The following EZH1 variants were observed in gnomAD, a reference collection of about 807,000 sequenced individuals.
The protein encoded by EZH1 is histone-lysine N-methyltransferase EZH1.
Under a neutral mutation model 100.5 loss-of-function variants are expected in EZH1, and 33 were observed. That is an observed-to-expected ratio of 0.33 (90% CI 0.25 to 0.44). The LOEUF is 0.44. Ranked by LOEUF, EZH1 falls within the 20% of genes least tolerant of loss-of-function variation. The probability of loss-of-function intolerance (pLI) is 1.00; values close to 1 mark genes in which losing one functional copy is unlikely to be tolerated. For synonymous variants in EZH1, 272 were observed against 313.8 expected, an observed-to-expected ratio of 0.87 and a Z score of 1.41; for missense variants, 475 against 928.4, an observed-to-expected ratio of 0.51 and a Z score of 6.35.
rs755876740 is a variant in EZH1 at position 42,706,379 on chromosome 17, C to G, written c.1661-194G>C. On this transcript the variant is annotated intron_variant, in intron 15 of 20. Coordinates refer to ENST00000428826, the MANE Select transcript of EZH1 (RefSeq NM_001991.5). This position sits in a 1 kb window ranked among gnomAD's most constrained non-coding sequence, Gnocchi z 4.4. ...AACTGAGTGCTTCCCAACATTCATG[C>G]CTTCGAGTCAAAAAAGCAGGTGTGG... 3.9e-5 allele frequency among the ~76,000 whole-genome samples: 6 copies of G among 152,022 alleles called. No individual in the cohort carries two copies. Among genetic ancestry groups the G allele is most frequent in the African/African-American group, 1.4e-4 (6 of 41,398 alleles).
chr17:42,708,965 T>G (rs200831281), intron 13 of EZH1, 49 bp from the exon 14 acceptor site: 160 of 1,588,246 alleles, frequency 1.0e-4, no homozygotes, highest in Non-Finnish European at 1.2e-4. Flanking sequence ...TAGGGAGCTC[T>G]GCAAATGCAG....
intron 1 of EZH1, among the ~76,000 whole-genome samples, chr17:42,744,290 T>C (rs1330044597): frequency 6.6e-6 from 1 of 152,194 alleles, no homozygotes; most frequent in African/African-American, 2.4e-5. Context: ...ACCTTGTCTG[T>C]GCTTCAAGGC....
chr17:42,721,176 A>G (rs1191514558), intron 6 of EZH1, among the ~76,000 whole-genome samples: 1 of 152,188 alleles, frequency 6.6e-6, no homozygotes, highest in African/African-American at 2.4e-5. Context: ...ATGTACTACA[A>G]TTTAGGAGGT....
rs565268007 is a variant in EZH1 at position 42,735,284 on chromosome 17, C to A, written c.-102-4366G>T. On this transcript the variant is annotated intron_variant, in intron 1 of 20. Transcript: ENST00000428826. ...TACTAAAAATACAAAATTTAGCAGG[C>A]CATGTTGGCACACACCTGAAACTCA... Among the ~76,000 whole-genome samples, 11 of 151,700 alleles carry A rather than the reference C, an allele frequency of 7.3e-5. 1 individual carries two copies. Among genetic ancestry groups the A allele is most frequent in the African/African-American group, 1.2e-4 (5 of 41,348 alleles).
chr17:42,743,662 G>A (rs1331706137), intron 1 of EZH1, among the ~76,000 whole-genome samples: 4 of 149,254 alleles, frequency 2.7e-5, no homozygotes, highest in Admixed American at 6.7e-5. Flanking sequence ...ATGAGGTCTC[G>A]CTATTGTTGC....
intron 4 of EZH1, among the ~76,000 whole-genome samples, chr17:42,726,109 C>T (rs1177149211): frequency 6.6e-6 from 1 of 151,332 alleles, no homozygotes; most frequent in South Asian, 2.1e-4. Context: ...GAACTCCTGA[C>T]CTCAGGTGAT....
chr17:42,726,510 T>A (rs1345227783), intron 4 of EZH1, among the ~76,000 whole-genome samples: 1 of 151,934 alleles, frequency 6.6e-6, no homozygotes, highest in Non-Finnish European at 1.5e-5. Flanking sequence ...TTTATTTTCA[T>A]AAAGTTTCTT....
chr17:42,739,745 G>A (rs2054140450), intron 1 of EZH1, among the ~76,000 whole-genome samples: 2 of 151,774 alleles, frequency 1.3e-5, no homozygotes, highest in East Asian at 1.9e-4. Flanking sequence ...AAATTAGATC[G>A]TATGCACTGG....
At chr17:42,726,040 G>A (rs191731377) in intron 4 of EZH1, among the ~76,000 whole-genome samples, 1 of 151,120 alleles carries the variant, frequency 6.6e-6, no homozygotes, top group East Asian at 2.0e-4. Context: ...CACCACGCTC[G>A]GCCAATTTTT....
At chr17:42,736,261 C>A (rs2143872253) in intron 1 of EZH1, among the ~76,000 whole-genome samples, 1 of 152,194 alleles carries the variant, frequency 6.6e-6, no homozygotes, top group East Asian at 1.9e-4. Flanking sequence ...GCCAGTTTTT[C>A]AAAAATAAAG....
intron 1 of EZH1, among the ~76,000 whole-genome samples, chr17:42,743,645 TG>T (rs1210863371): frequency 6.6e-6 from 1 of 151,720 alleles, no homozygotes; most frequent in Admixed American, 6.6e-5. Context: ...ATTTTTTTTT[TG>T]TAGAGATGAG....
At chr17:42,712,260 C>G in intron 12 of EZH1, 29 bp downstream of exon 12, 1 of 1,606,466 alleles carries the variant, frequency 6.2e-7, no homozygotes, top group Non-Finnish European at 8.5e-7. Context: ...AAGGAGGGGC[C>G]CATTTGTTCT....
At chr17:42,710,040 G>T in intron 12 of EZH1, 103 bp from the exon 13 acceptor site, 2 of 909,984 alleles carry the variant, frequency 2.2e-6, no homozygotes, top group Non-Finnish European at 3.6e-6. Context: ...AACTCAGGCA[G>T]CTGACCAAGC....
chr17:42,732,140 CAAA>C (rs545837299), intron 1 of EZH1, among the ~76,000 whole-genome samples: 2 of 132,294 alleles, frequency 1.5e-5, no homozygotes, highest in Non-Finnish European at 1.6e-5. Flanking sequence ...AAAACAAAAC[CAAA>C]AAAAAAAAAG....
At chr17:42,714,563 G>C (rs1010223306) in intron 10 of EZH1, 5 of 302,524 alleles carry the variant, frequency 1.7e-5, no homozygotes, top group Non-Finnish European at 3.4e-5. Context: ...TATTGGTGCA[G>C]GAGCAAGTGT....
At chr17:42,730,646 G>A (rs1046299708) in intron 2 of EZH1, among the ~76,000 whole-genome samples, 182 bp downstream of exon 2, 81 of 150,696 alleles carry the variant, frequency 5.4e-4, no homozygotes, top group Middle Eastern at 3.4e-3. Flanking sequence ...ACAGGCGCCC[G>A]CTACCACGCC....
rs113369753 is a variant in EZH1 at position 42,737,952 on chromosome 17, G to A, written c.-102-7034C>T. On this transcript the variant is annotated intron_variant, in intron 1 of 20. Coordinates refer to ENST00000428826, the MANE Select transcript of EZH1 (RefSeq NM_001991.5). ...AGCACTTTGGGAGGCCGAGACAGGC[G>A]GATCACGAGGTCAGGAGATCAAGAC... Among the ~76,000 whole-genome samples, 11 of 152,084 alleles carry A rather than the reference G, an allele frequency of 7.2e-5. No individual in the cohort carries two copies. In the East Asian group the frequency reaches 1.2e-3, roughly 16 times the overall value.
At chr17:42,707,883 C>T in intron 15 of EZH1, 75 bp downstream of exon 15, 2 of 1,592,628 alleles carry the variant, frequency 1.3e-6, no homozygotes, top group East Asian at 4.5e-5. Context: ...GTAAAGGGCA[C>T]AGGAATGGGG....
In EZH1 at chr17:42,722,861, C is replaced by T; in HGVS notation, c.421G>A (p.Glu141Lys). The T allele has an allele frequency of 6.2e-7, 1 of 1,614,082 alleles. No homozygotes were observed. Among genetic ancestry groups the T allele is most frequent in the Non-Finnish European group, 8.5e-7 (1 of 1,180,008 alleles). ...NIPYMGDEVK[E>K]EDETFIEELI... ...TCCTCAATAAAAGTCTCATCTTCTT[C>T]TTTCACTTCATCTCCCATGTAGGGA... is the stretch of plus-strand genomic sequence containing the variant. Residue 141 changes from glutamate to lysine, a missense_variant, in exon 6 of 21, where the codon GAA becomes AAA. Physicochemically the swap from Glu to Lys is moderately conservative, Grantham distance 56. This residue lies in a region of EZH1 where 17 missense variants were observed against 68.0 expected (regional missense o/e 0.25). Transcript: ENST00000428826.
Sources: gnomAD v4.1 joint callset for allele counts (sites outside exome capture counted in the v4.1 genomes callset) on GRCh38, gnomAD v4.1.1 for gene constraint, gnomAD v4.1.1 regional missense constraint, Gnocchi (gnomAD v3.1) non-coding constraint, MANE v1.5 for transcripts, NCBI Gene and HGNC (gene_info 2026-07-23, HGNC 2026-07-21) for gene names.